OTUD7A: variants seen among roughly 807,000 people sequenced by gnomAD.
OTUD7A encodes OTU domain-containing protein 7A.
Under a neutral mutation model 65.7 loss-of-function variants are expected in OTUD7A, and 12 were observed. The ratio of observed to expected loss-of-function variants is 0.18; its 90% confidence interval spans 0.12 to 0.30. OTUD7A has a LOEUF of 0.30. Ranked by LOEUF, OTUD7A falls within the 10% of genes least tolerant of loss-of-function variation. The pLI, the probability that OTUD7A is intolerant of heterozygous loss-of-function variation, is 1.00. For missense variants in OTUD7A, 1,148 were observed against 1,304.8 expected (o/e 0.88, Z 1.85); for synonymous variants, 641 against 586.3 (o/e 1.09, Z -1.35).
intron 3 of OTUD7A, among the ~76,000 whole-genome samples, chr15:31,592,913 A>G (rs1889785561): frequency 2.0e-5 from 1 of 50,044 alleles, no homozygotes; most frequent in Non-Finnish European, 3.3e-5. Context: ...AAATATATAT[A>G]TATATATATA....
intron 3 of OTUD7A, among the ~76,000 whole-genome samples, chr15:31,608,936 C>A (rs1026785835): frequency 6.6e-6 from 1 of 152,166 alleles, no homozygotes; most frequent in African/African-American, 2.4e-5. Context: ...ACTGCAGAAG[C>A]AGGAAAGGGA....
At chr15:31,594,280 G>A (rs545878368) in intron 3 of OTUD7A, among the ~76,000 whole-genome samples, 1 of 152,168 alleles carries the variant, frequency 6.6e-6, no homozygotes, top group Non-Finnish European at 1.5e-5. Context: ...AATCGTTTCA[G>A]TTAAAAATTC....
At chr15:31,536,716 T>C (rs1188915175) in intron 5 of OTUD7A, among the ~76,000 whole-genome samples, 1 of 152,216 alleles carries the variant, frequency 6.6e-6, no homozygotes, top group Admixed American at 6.5e-5. Flanking sequence ...GAGGTCATTA[T>C]CCTAAGTGAA....
intron 1 of OTUD7A, among the ~76,000 whole-genome samples, chr15:31,805,093 A>C (rs1208730224): frequency 5.3e-5 from 8 of 152,188 alleles, no homozygotes; most frequent in Non-Finnish European, 1.2e-4. Context: ...TTCTTGCCCG[A>C]TCTCCACATA....
intron 4 of OTUD7A, among the ~76,000 whole-genome samples, chr15:31,569,250 A>G (rs545715447): frequency 6.6e-6 from 1 of 152,390 alleles, no homozygotes; most frequent in East Asian, 1.9e-4. Flanking sequence ...TGTTTCTTTC[A>G]GCATTGCTTT....
At chr15:31,850,352 T>C (rs572490400) in intron 1 of OTUD7A, among the ~76,000 whole-genome samples, 9 of 151,352 alleles carry the variant, frequency 5.9e-5, no homozygotes, top group East Asian at 3.9e-4. Flanking sequence ...TAGGTGGGAA[T>C]TGAACAATAA....
At chr15:31,628,821 T>G (rs948197780) in intron 3 of OTUD7A, among the ~76,000 whole-genome samples, 8 of 152,210 alleles carry the variant, frequency 5.3e-5, no homozygotes, top group Non-Finnish European at 1.0e-4. Context: ...CCCTTGTAAG[T>G]TGGATTCCTA....
At chr15:31,681,728 C>T (rs1892723036) in intron 1 of OTUD7A, among the ~76,000 whole-genome samples, 1 of 150,988 alleles carries the variant, frequency 6.6e-6, no homozygotes, top group African/African-American at 2.5e-5. Context: ...GTGCTTGACA[C>T]AGAGCAGAGC....
At chr15:31,787,697 C>T (rs1051625909) in intron 1 of OTUD7A, 1 of 152,134 alleles carries the variant, frequency 6.6e-6, no homozygotes, top group African/African-American at 2.4e-5. Flanking sequence ...GGTGAGAAAC[C>T]CTTTGAATAA....
chr15:31,642,329 A>G (rs1891541153), intron 3 of OTUD7A, among the ~76,000 whole-genome samples: 1 of 152,214 alleles, frequency 6.6e-6, no homozygotes, highest in South Asian at 2.1e-4. Flanking sequence ...AATCTTTTTC[A>G]GTGTTTTCAC....
intron 1 of OTUD7A, among the ~76,000 whole-genome samples, chr15:31,691,417 C>T (rs1414572639): frequency 6.6e-6 from 1 of 152,118 alleles, no homozygotes; most frequent in African/African-American, 2.4e-5. Context: ...GAACAGAGAA[C>T]CCACAAATAA....
intron 1 of OTUD7A, among the ~76,000 whole-genome samples, chr15:31,750,289 T>A (rs953734432): frequency 8.0e-5 from 12 of 150,572 alleles, no homozygotes; most frequent in Non-Finnish European, 1.5e-4. Context: ...GCACCTATAA[T>A]CCCAGCTACT....
intron 1 of OTUD7A, among the ~76,000 whole-genome samples, chr15:31,781,568 G>T (rs1895540560): frequency 2.0e-5 from 3 of 152,144 alleles, no homozygotes. Context: ...ATCTTCAAAG[G>T]TAATGCACAC....
intron 1 of OTUD7A, among the ~76,000 whole-genome samples, chr15:31,809,032 G>A (rs1896353287): frequency 6.6e-6 from 1 of 152,156 alleles, no homozygotes; most frequent in African/African-American, 2.4e-5. Flanking sequence ...AGAAGTGCCT[G>A]GGGGACCATG....
chr15:31,603,027 T>C (rs1890129102), intron 3 of OTUD7A, among the ~76,000 whole-genome samples: 1 of 152,158 alleles, frequency 6.6e-6, no homozygotes, highest in South Asian at 2.1e-4. Flanking sequence ...CCAAAGTAAT[T>C]TATAGATTCA....
chr15:31,676,782 A>G (rs1892604911), intron 1 of OTUD7A, among the ~76,000 whole-genome samples: 1 of 152,270 alleles, frequency 6.6e-6, no homozygotes, highest in African/African-American at 2.4e-5. Flanking sequence ...GGACCACATT[A>G]TAAAATTTAT....
At chr15:31,616,712 T>A (rs1156591872) in intron 3 of OTUD7A, among the ~76,000 whole-genome samples, 4 of 152,020 alleles carry the variant, frequency 2.6e-5, no homozygotes, top group African/African-American at 9.7e-5. Context: ...CCTGGCTAAT[T>A]TTTGTATTTT....
rs1195220951 is a variant in OTUD7A at position 31,476,063 on chromosome 15, G to A, written c.*7231C>T. 1 of 152,238 alleles carries A rather than the reference G, an allele frequency of 6.6e-6. No individual in the cohort carries two copies. Among genetic ancestry groups the A allele is most frequent in the African/African-American group, 2.4e-5 (1 of 41,458 alleles). The allele number at this position is 152,238 out of a possible 1,614,324, so 9.4% of individuals were successfully genotyped here. On this transcript the variant is annotated 3_prime_UTR_variant, in exon 13 of 13. Coordinates refer to ENST00000307050, the MANE Select transcript of OTUD7A (RefSeq NM_001382637.1). ...TGGTGAATGGAGTTCAAACTCCGTAGATGAGGCAGTAACAGGTCACTAAGG... is the reference window on the plus strand; with the variant it reads ...TGGTGAATGGAGTTCAAACTCCGTAAATGAGGCAGTAACAGGTCACTAAGG...
intron 1 of OTUD7A, among the ~76,000 whole-genome samples, chr15:31,775,089 TACACACAC>T (rs3046535): frequency 8.0e-4 from 119 of 148,084 alleles, no homozygotes; most frequent in Admixed American, 1.3e-3. Flanking sequence ...TCCATGCATT[TACACACAC>T]ACACACACAC....
Sources: gnomAD v4.1 joint callset for allele counts (sites outside exome capture counted in the v4.1 genomes callset) on GRCh38, gnomAD v4.1.1 for gene constraint, MANE v1.5 for transcripts, NCBI Gene and HGNC (gene_info 2026-07-23, HGNC 2026-07-21) for gene names.